Variants in ZNF709 observed in about 807,000 individuals in gnomAD.
ZNF709 encodes the protein zinc finger protein 709.
In ZNF709, 15 loss-of-function variants were observed where a neutral mutation model predicts 10.6. The observed-to-expected ratio is 1.41, with a 90% CI of 0.95 to 2.18. ZNF709 has a LOEUF of 2.18. Among genes scored for constraint, ZNF709 ranks in the 30% most tolerant of loss-of-function variants. ZNF709 has a pLI of 0.00. For synonymous variants in ZNF709, 194 were observed against 238.8 expected (o/e 0.81, Z 1.73); for missense variants, 589 against 774.0 (o/e 0.76, Z 2.84).
chr19:12,480,815 G>A (rs182870960), intron 1 of ZNF709, among the ~76,000 whole-genome samples: 228 of 151,822 alleles, frequency 1.5e-3, no homozygotes, highest in Non-Finnish European at 2.3e-3. Flanking sequence ...TTAATCTGTC[G>A]CCCAGGCTGA....
Position 12,465,229 on chromosome 19 carries a change from T to C in ZNF709, c.693A>G (p.Lys231=), listed in dbSNP as rs1217255814. 1.9e-6 allele frequency: 3 copies of C among 1,613,082 alleles called. No individual in the cohort carries two copies. The highest frequency in any genetic ancestry group is 8.5e-7 in the Non-Finnish European group (1 of 1,179,172). ...EKPYKCKECG[K]TFSHPSSFRN... The stretch of plus-strand genomic sequence containing the variant: ...GAAAAGAACTGGGATGACTGAACGT[T>C]TTCCCGCATTCTTTACATTTATAGG... The change falls in exon 4 of 4, where the codon AAA becomes AAG. Residue 231 remains lysine (K), a synonymous_variant. Transcript: ENST00000397732.
Position 12,484,661 on chromosome 19 carries a change from C to T in ZNF709, c.-4G>A, listed in dbSNP as rs1409535797. The T allele has an allele frequency of 3.1e-6, 5 of 1,614,076 alleles. No homozygotes were observed. The African/African-American group carries it at 5.3e-5, about 17-fold the overall frequency. On this transcript the variant is annotated 5_prime_UTR_variant, in exon 1 of 4. Coordinates refer to ENST00000397732, the MANE Select transcript of ZNF709 (RefSeq NM_152601.4). ...CCCAGCCCCGCACACTTACCATTTC[C>T]CAGACTCTGGGATGTCCTGGTGTTC...
chr19:12,471,792 A>G (rs1255174450), intron 1 of ZNF709, among the ~76,000 whole-genome samples: 1 of 152,248 alleles, frequency 6.6e-6, no homozygotes, highest in Non-Finnish European at 1.5e-5. Context: ...TCCATAGACA[A>G]TAATCAATTT....
intron 1 of ZNF709, among the ~76,000 whole-genome samples, chr19:12,471,895 T>C (rs377484880): frequency 1.3e-5 from 2 of 152,172 alleles, no homozygotes; most frequent in African/African-American, 4.8e-5. Flanking sequence ...AATTTTCTCA[T>C]GTAAGAGTAA....
chr19:12,465,743 A>AAAAAC lies in ZNF709; in HGVS notation c.189-15_189-11dup. 1 of 1,490,716 alleles carries AAAAAC rather than the reference A, an allele frequency of 6.7e-7. No homozygotes were observed. The highest frequency in any genetic ancestry group is 8.9e-7 in the Non-Finnish European group (1 of 1,126,720). 92.3% of individuals were successfully genotyped at this position (1,490,716 alleles called of 1,614,324 possible). A position where few individuals can be genotyped will look rare whatever the true frequency, so the allele number is the denominator to read the frequency against. On this transcript the variant is annotated splice_polypyrimidine_tract_variant and intron_variant, in intron 3 of 3. Transcript: ENST00000397732. The stretch of plus-strand genomic sequence containing the variant: ...CTCTACCATATGACTTCTGTGAGAA[A>AAAAAC]AAAACAAAACAAAACGCACAATTAG...
chr19:12,475,639 A>G (rs1385486825), intron 1 of ZNF709, among the ~76,000 whole-genome samples: 1 of 152,160 alleles, frequency 6.6e-6, no homozygotes, highest in Non-Finnish European at 1.5e-5. Context: ...TCCTGGTAAG[A>G]TGAGGAAATG....
At chr19:12,478,751 G>C (rs1185503652) in intron 1 of ZNF709, among the ~76,000 whole-genome samples, 1 of 152,204 alleles carries the variant, frequency 6.6e-6, no homozygotes, top group Non-Finnish European at 1.5e-5. Flanking sequence ...TTTTATTGTA[G>C]TTTGGGGGTG....
chr19:12,478,645 C>A (rs567575797), intron 1 of ZNF709, among the ~76,000 whole-genome samples: 1 of 152,244 alleles, frequency 6.6e-6, no homozygotes, highest in South Asian at 2.1e-4. Context: ...AAAAGACTCA[C>A]TACTGTGATC....
At chr19:12,475,257 TAA>T (rs71166684) in intron 1 of ZNF709, among the ~76,000 whole-genome samples, 16 of 44,722 alleles carry the variant, frequency 3.6e-4, no homozygotes, top group East Asian at 9.6e-4. Flanking sequence ...GATTCCGTCT[TAA>T]AAAAAAAAAA....
intron 1 of ZNF709, among the ~76,000 whole-genome samples, chr19:12,472,976 A>C (rs930542856): frequency 6.6e-6 from 1 of 152,232 alleles, no homozygotes; most frequent in Non-Finnish European, 1.5e-5. Flanking sequence ...TAGAAGGACA[A>C]AAATCAGTCA....
intron 1 of ZNF709, among the ~76,000 whole-genome samples, chr19:12,480,802 G>T (rs1010074473): frequency 1.5e-4 from 23 of 152,158 alleles, no homozygotes; most frequent in African/African-American, 5.5e-4. Flanking sequence ...TTGAGACAGG[G>T]TTTTAATCTG....
intron 1 of ZNF709, among the ~76,000 whole-genome samples, chr19:12,482,132 CTAAAA>C: frequency 7.2e-6 from 1 of 139,818 alleles, no homozygotes; most frequent in African/African-American, 2.7e-5. Context: ...GAACCCACCT[CTAAAA>C]TACACACACA....
chr19:12,479,250 C>T (rs1433921529), intron 1 of ZNF709, among the ~76,000 whole-genome samples: 2 of 152,040 alleles, frequency 1.3e-5, no homozygotes, highest in African/African-American at 4.8e-5. Flanking sequence ...CTGCAATGAG[C>T]TATCATCATG....
At chr19:12,484,333 C>A (rs1387603954) in intron 1 of ZNF709, among the ~76,000 whole-genome samples, 1 of 152,182 alleles carries the variant, frequency 6.6e-6, no homozygotes, top group Non-Finnish European at 1.5e-5. Flanking sequence ...ACGACCGAGA[C>A]GGGATTCCCT....
At position 12,464,633 on chromosome 19, in the gene ZNF709, C is replaced by G; in HGVS notation, c.1289G>C (p.Ser430Thr). The change falls in exon 4 of 4, where the codon AGT becomes ACT. Residue 430 changes from serine (S) to threonine (T), a missense_variant. Physicochemically the swap from Ser to Thr is moderately conservative, Grantham distance 58. Transcript: ENST00000397732. ...HECKQCGKAF[S>T]CSSSVRIHER... is the part of the protein sequence containing the mutation. ...ATGTATTCGAACAGAACTGGAACAA[C>G]TGAAGGCTTTACCACATTGTTTACA... 1 of 1,612,108 alleles carries G rather than the reference C, an allele frequency of 6.2e-7. No individual in the cohort carries two copies. Among genetic ancestry groups the G allele is most frequent in the East Asian group, 2.2e-5 (1 of 44,786 alleles).
intron 1 of ZNF709, among the ~76,000 whole-genome samples, chr19:12,482,183 A>ACACACGCG (rs1555694487): frequency 6.7e-6 from 1 of 149,880 alleles, no homozygotes; most frequent in East Asian, 2.0e-4. Context: ...ACACACACAC[A>ACACACGCG]CGCTCCCTCT....
chr19:12,476,204 C>T (rs771294102), intron 1 of ZNF709, among the ~76,000 whole-genome samples: 3 of 152,042 alleles, frequency 2.0e-5, no homozygotes, highest in Admixed American at 6.6e-5. Context: ...CCAGCCTGGG[C>T]AACTAAGTAG....
chr19:12,472,833 C>T (rs906112734), intron 1 of ZNF709, among the ~76,000 whole-genome samples: 1 of 147,772 alleles, frequency 6.8e-6, no homozygotes, highest in Non-Finnish European at 1.5e-5. Flanking sequence ...CAGTGAGCCA[C>T]GATCGCGCCA....
rs185120780 is a variant in ZNF709, at chr19:12,468,761, G to C, written c.4-1911C>G. Among the ~76,000 whole-genome samples, 41 of 150,352 alleles carry C rather than the reference G, an allele frequency of 2.7e-4. 1 individual carries two copies. The highest frequency in any genetic ancestry group is 2.3e-3 in the Admixed American group (35 of 15,104). On this transcript the variant is annotated intron_variant, in intron 1 of 3. Coordinates refer to ENST00000397732, the MANE Select transcript of ZNF709 (RefSeq NM_152601.4). The stretch of plus-strand genomic sequence containing the variant: ...TCCAGTTTAAGACCAACAATTCCTT[G>C]TAAGAAAAATACTTTTTATCTCCTG...
Sources: allele counts gnomAD v4.1 joint callset (sites outside exome capture counted in the v4.1 genomes callset), GRCh38; gene constraint gnomAD v4.1.1; transcripts MANE v1.5; gene names NCBI Gene and HGNC (gene_info 2026-07-23, HGNC 2026-07-21).